Variants in LTBP1 observed in about 807,000 individuals in gnomAD.
LTBP1 encodes latent-transforming growth factor beta-binding protein 1.
A neutral mutation model predicts 207.6 loss-of-function variants in LTBP1; 129 were observed. The ratio of observed to expected loss-of-function variants is 0.62; its 90% CI spans 0.54 to 0.72. LTBP1 has a LOEUF of 0.72. Ranked by LOEUF, LTBP1 falls within the 30% of genes least tolerant of loss-of-function variation. The pLI, the probability that LTBP1 is intolerant of heterozygous loss-of-function variation, is 0.00. For missense variants in LTBP1, 2,281 were observed against 2,217.2 expected (o/e 1.03, Z -0.58); for synonymous variants, 963 against 833.7 (o/e 1.16, Z -2.67).
intron 9 of LTBP1, among the ~76,000 whole-genome samples, chr2:33,236,731 T>A (rs954938118): frequency 2.0e-5 from 3 of 152,200 alleles, no homozygotes; most frequent in African/African-American, 7.2e-5. Context: ...GATGGATTCA[T>A]GTTACTGTGA....
At chr2:33,388,844 C>T (rs1158427581) in intron 31 of LTBP1, among the ~76,000 whole-genome samples, 2 of 152,098 alleles carry the variant, frequency 1.3e-5, no homozygotes, top group African/African-American at 4.8e-5. Flanking sequence ...CTCTTGATGG[C>T]TTTAGATAAA....
intron 3 of LTBP1, among the ~76,000 whole-genome samples, chr2:33,065,758 G>A (rs912177914): frequency 6.6e-6 from 1 of 152,184 alleles, no homozygotes; most frequent in Non-Finnish European, 1.5e-5. Context: ...ATACTTTGAA[G>A]AGTTTTTATA....
At chr2:33,110,029 C>T (rs1024291818) in intron 3 of LTBP1, among the ~76,000 whole-genome samples, 8 of 152,192 alleles carry the variant, frequency 5.3e-5, no homozygotes, top group Non-Finnish European at 8.8e-5. Flanking sequence ...GCTATTTCCC[C>T]CCTTCCCATT....
intron 33 of LTBP1, 58 bp from the exon 34 acceptor site, chr2:33,398,306 T>C: frequency 6.5e-7 from 1 of 1,528,582 alleles, no homozygotes; most frequent in Non-Finnish European, 9.0e-7. Flanking sequence ...CCTCAGGTTA[T>C]GTGTCCTCAC....
intron 26 of LTBP1, among the ~76,000 whole-genome samples, chr2:33,358,127 A>G (rs7605700): frequency 0.091 from 13,899 of 152,158 alleles, 1,021 homozygotes; most frequent in African/African-American, 0.2. Context: ...TTTCTTTCCA[A>G]ACAGGGTAAG....
intron 2 of LTBP1, among the ~76,000 whole-genome samples, chr2:32,965,017 C>T (rs751302763): frequency 5.9e-5 from 9 of 151,822 alleles, no homozygotes; most frequent in Non-Finnish European, 1.0e-4. Context: ...TCCAGCCTGG[C>T]GACAGAGCAA....
chr2:33,287,215 G>A (rs1415089719), intron 19 of LTBP1, among the ~76,000 whole-genome samples: 4 of 152,118 alleles, frequency 2.6e-5, no homozygotes, highest in African/African-American at 9.7e-5. Flanking sequence ...TGACATGATG[G>A]CATCATTTGA....
At chr2:33,164,974 T>C (rs77741089) in intron 5 of LTBP1, among the ~76,000 whole-genome samples, 8,188 of 152,294 alleles carry the variant, frequency 0.054, 273 homozygotes, top group Middle Eastern at 0.16. Flanking sequence ...GTGGTGGGCC[T>C]CAAAATCGAA....
chr2:33,115,105 T>TACAC (rs60973498), intron 4 of LTBP1, among the ~76,000 whole-genome samples: 15 of 144,006 alleles, frequency 1.0e-4, no homozygotes, highest in African/African-American at 4.0e-4. Context: ...CACATATATG[T>TACAC]ACACACACAC....
intron 20 of LTBP1, among the ~76,000 whole-genome samples, chr2:33,299,607 A>G (rs2093945728): frequency 6.6e-6 from 1 of 152,204 alleles, no homozygotes. Flanking sequence ...TAAGTTGGCT[A>G]GCCATTCAGC....
intron 26 of LTBP1, among the ~76,000 whole-genome samples, chr2:33,354,954 C>T (rs1207956068): frequency 1.3e-5 from 2 of 152,116 alleles, no homozygotes; most frequent in Admixed American, 1.3e-4. Context: ...GTTGCCGAGG[C>T]TGGTCTCGTT....
Position 33,038,191 on chromosome 2 carries a change from G to A in LTBP1, c.863+16985G>A, listed in dbSNP as rs763872366. On this transcript the variant is annotated intron_variant, in intron 3 of 33. Transcript: ENST00000404816. ...TTGAATGCCAAACCAACATAAAGGC[G>A]AACTTGTGGGTTAGGAATTCTCACC... Among the ~76,000 whole-genome samples the A allele has an allele frequency of 2.6e-5, 4 of 152,204 alleles. No individual in the cohort carries two copies. The East Asian group carries it at 7.7e-4, about 29-fold the overall frequency.
intron 3 of LTBP1, among the ~76,000 whole-genome samples, chr2:33,087,042 C>T (rs192441643): frequency 1.8e-4 from 26 of 142,952 alleles, no homozygotes; most frequent in Admixed American, 5.0e-4. Flanking sequence ...ACCAGCATTT[C>T]GGATTCTGGA....
At chr2:33,234,157 C>T (rs2091926754) in intron 9 of LTBP1, among the ~76,000 whole-genome samples, 1 of 152,036 alleles carries the variant, frequency 6.6e-6, no homozygotes, top group Non-Finnish European at 1.5e-5. Flanking sequence ...TGAAAATATC[C>T]ATTGATGTTT....
chr2:33,305,247 C>T (rs996886243), intron 22 of LTBP1, among the ~76,000 whole-genome samples: 1 of 152,124 alleles, frequency 6.6e-6, no homozygotes, highest in African/African-American at 2.4e-5. Flanking sequence ...TCACTCGAAC[C>T]CAGGAGGCAG....
intron 9 of LTBP1, among the ~76,000 whole-genome samples, chr2:33,235,160 G>C (rs893227808): frequency 2.0e-5 from 3 of 152,034 alleles, no homozygotes; most frequent in African/African-American, 7.2e-5. Context: ...ATCTGACAAA[G>C]GGCTAATATC....
In LTBP1 at chr2:33,020,927, G is replaced by C; in HGVS notation, c.584G>C (p.Cys195Ser). 1 of 1,589,860 alleles carries C rather than the reference G, an allele frequency of 6.3e-7. No homozygotes were observed. Among genetic ancestry groups the C allele is most frequent in the Non-Finnish European group, 8.6e-7 (1 of 1,162,306 alleles). ...RCTKPSCVPP[C>S]QNGGMCLRPQ... The stretch of plus-strand genomic sequence containing the variant: ...TCTGCAGCTAGCTGTGTTCCGCCAT[G>C]TCAGAATGGAGGGATGTGTCTCCGG... The change falls in exon 3 of 34, where the codon TGT (cysteine) becomes TCT (serine). Residue 195 changes from cysteine to serine, a missense_variant. Transcript: ENST00000404816.
chr2:33,278,760 G>C (rs868865465), intron 18 of LTBP1, among the ~76,000 whole-genome samples: 1 of 152,000 alleles, frequency 6.6e-6, no homozygotes, highest in African/African-American at 2.4e-5. Flanking sequence ...AATGCTATTT[G>C]GAAAATGAAA....
chr2:33,007,782 G>A (rs187214917), intron 2 of LTBP1, among the ~76,000 whole-genome samples: 14 of 152,310 alleles, frequency 9.2e-5, no homozygotes, highest in Admixed American at 5.2e-4. Flanking sequence ...ATTGACATCT[G>A]TCTGGTGCTA....
Sources: allele counts gnomAD v4.1 joint callset (sites outside exome capture counted in the v4.1 genomes callset), GRCh38; gene constraint gnomAD v4.1.1; transcripts MANE v1.5; gene names NCBI Gene and HGNC (gene_info 2026-07-23, HGNC 2026-07-21).